Variants in FBLN2 observed in about 807,000 individuals in gnomAD.
FBLN2 encodes the protein fibulin 2, also known as fibulin-2.
In FBLN2, 81 loss-of-function variants were observed where a neutral mutation model predicts 123.7. That is an observed-to-expected ratio of 0.65 (90% CI 0.55 to 0.79). FBLN2 has a LOEUF of 0.79. Among genes scored for constraint, FBLN2 ranks in the 30% least tolerant of loss-of-function variants. The pLI, the probability that FBLN2 is intolerant of heterozygous loss-of-function variation, is 0.00. For missense variants in FBLN2, 1,603 were observed against 1,681.3 expected (o/e 0.95, Z 0.81); for synonymous variants, 699 against 701.4 (o/e 1.00, Z 0.05).
chr3:13,554,963 TTTTTTTA>T (rs745350265), intron 1 of FBLN2, among the ~76,000 whole-genome samples: 11 of 71,974 alleles, frequency 1.5e-4, no homozygotes, highest in Admixed American at 2.9e-4. Flanking sequence ...TTTTTTTTTT[TTTTTTTA>T]AATACTGAAT....
chr3:13,614,037 G>C lies in FBLN2; in HGVS notation c.1602G>C (p.Ser534=), dbSNP rs753655630. The C allele has an allele frequency of 6.2e-7, 1 of 1,613,572 alleles. No individual in the cohort carries two copies. The highest frequency in any genetic ancestry group is 8.5e-7 in the Non-Finnish European group (1 of 1,179,888). Residue 534 remains serine, a synonymous_variant, in exon 5 of 18, where the codon TCG becomes TCC. Transcript: ENST00000404922. ...LGLRVRAEGQ[S]CESNPNLGYP... The stretch of plus-strand genomic sequence containing the variant: ...TCCGCGTGCGGGCCGAGGGCCAGTC[G>C]TGTGAGTCCAATCCTAACCTGGGCT...
chr3:13,624,863 A>G (rs1444440756), intron 9 of FBLN2, among the ~76,000 whole-genome samples: 1 of 152,284 alleles, frequency 6.6e-6, no homozygotes, highest in East Asian at 1.9e-4. Flanking sequence ...GTGCAGCACC[A>G]GGAGGGGGTA....
chr3:13,569,131 A>G (rs1398205239), intron 1 of FBLN2: 2 of 845,178 alleles, frequency 2.4e-6, no homozygotes, highest in Non-Finnish European at 2.8e-6. Flanking sequence ...GACTTGGGCC[A>G]GGGTGGAGGA....
At chr3:13,562,714 C>T (rs189471784) in intron 1 of FBLN2, among the ~76,000 whole-genome samples, 2 of 152,300 alleles carry the variant, frequency 1.3e-5, no homozygotes, top group African/African-American at 2.4e-5. Context: ...GTTGTGCAGC[C>T]GTTACCACTA....
chr3:13,588,409 G>C (rs968160878), intron 2 of FBLN2, among the ~76,000 whole-genome samples: 1 of 152,268 alleles, frequency 6.6e-6, no homozygotes, highest in African/African-American at 2.4e-5. Flanking sequence ...TGATTGTGTG[G>C]GGTGAAGGGA....
At chr3:13,610,889 T>A (rs938464921) in intron 4 of FBLN2, among the ~76,000 whole-genome samples, 1 of 132,474 alleles carries the variant, frequency 7.5e-6, no homozygotes, top group Non-Finnish European at 1.6e-5. Context: ...GAGAGCCCCC[T>A]TGTTTTAAAT....
chr3:13,589,274 G>A (rs1413163546), intron 2 of FBLN2, among the ~76,000 whole-genome samples: 1 of 152,168 alleles, frequency 6.6e-6, no homozygotes, highest in Admixed American at 6.5e-5. Flanking sequence ...CTGGCTCCCT[G>A]GAAGGCTGTG....
chr3:13,567,339 C>G (rs537343783), intron 1 of FBLN2, among the ~76,000 whole-genome samples: 1 of 152,124 alleles, frequency 6.6e-6, no homozygotes, highest in African/African-American at 2.4e-5. Context: ...GGGCAGGGAG[C>G]TTGGGTCTCA....
chr3:13,604,826 CTT>C (rs749029839), intron 2 of FBLN2, among the ~76,000 whole-genome samples: 18 of 152,326 alleles, frequency 1.2e-4, no homozygotes, highest in Non-Finnish European at 4.4e-5. Context: ...GGAATGAAAA[CTT>C]AGGAAAGCTT....
intron 2 of FBLN2, among the ~76,000 whole-genome samples, chr3:13,582,875 C>G (rs1363463171): frequency 2.6e-5 from 4 of 152,236 alleles, no homozygotes; most frequent in Admixed American, 2.0e-4. Context: ...TTTCTTCAAA[C>G]AGATGTAGAT....
intron 1 of FBLN2, among the ~76,000 whole-genome samples, chr3:13,560,012 C>T (rs1261469655): frequency 6.6e-6 from 1 of 152,142 alleles, no homozygotes; most frequent in African/African-American, 2.4e-5. Context: ...ATCGCTCCCA[C>T]CCTGGGAGTG....
chr3:13,563,232 T>C (rs1703658692), intron 1 of FBLN2, among the ~76,000 whole-genome samples: 1 of 152,224 alleles, frequency 6.6e-6, no homozygotes, highest in Non-Finnish European at 1.5e-5. Flanking sequence ...GCTGTGTGTC[T>C]GTGCTCAGTA....
At chr3:13,563,734 G>A (rs1203374871) in intron 1 of FBLN2, among the ~76,000 whole-genome samples, 1 of 152,206 alleles carries the variant, frequency 6.6e-6, no homozygotes, top group Non-Finnish European at 1.5e-5. Flanking sequence ...ACCTACTGAG[G>A]CCAACTACAC....
intron 2 of FBLN2, among the ~76,000 whole-genome samples, chr3:13,579,685 C>T (rs747219986): frequency 6.6e-6 from 1 of 152,224 alleles, no homozygotes; most frequent in Non-Finnish European, 1.5e-5. Context: ...TTTGATTTAC[C>T]GGTTCCCTTA....
intron 2 of FBLN2, among the ~76,000 whole-genome samples, chr3:13,585,478 A>G (rs764250042): frequency 1.3e-5 from 2 of 152,192 alleles, no homozygotes; most frequent in African/African-American, 4.8e-5. Flanking sequence ...TGACATTTCC[A>G]TCAATGATAT....
In FBLN2 at chr3:13,619,314, G is replaced by A. The variant is rs540428308; in HGVS notation, c.2053+297G>A. Among the ~76,000 whole-genome samples the A allele has an allele frequency of 1.0e-3, 155 of 152,292 alleles. 3 individuals are homozygous for A. In the South Asian group the frequency reaches 0.031, roughly 30 times the overall value. On this transcript the variant is annotated intron_variant, in intron 7 of 17. Transcript: ENST00000404922. ...TGAGGTAGTCAAATCCTGGTTTGCC[G>A]ACCTGTTGTGGAGGCTGTGTTCAGC...
In FBLN2 at chr3:13,621,789, C is replaced by T. The variant is rs201891475; in HGVS notation, c.2170C>T (p.Leu724=). 1 of 1,614,008 alleles carries T rather than the reference C, an allele frequency of 6.2e-7. No individual in the cohort carries two copies. Among genetic ancestry groups the T allele is most frequent in the East Asian group, 2.2e-5 (1 of 44,878 alleles). ...GVSCEDQDEC[L]MGAHDCSRRQ... is the part of the protein sequence containing the mutation. ...GCTGCCACTAGACCAAGACGAGTGC[C>T]TGATGGGTGCTCACGATTGTAGCCG... The change falls in exon 9 of 18, where the codon CTG becomes TTG. Residue 724 remains leucine, a synonymous_variant. Transcript: ENST00000404922.
chr3:13,607,890 G>A (rs556984293), intron 2 of FBLN2, among the ~76,000 whole-genome samples, 172 bp from the exon 3 acceptor site: 20 of 152,278 alleles, frequency 1.3e-4, no homozygotes, highest in South Asian at 8.3e-4. Flanking sequence ...ACTCCACCTC[G>A]CAGACAGTTC....
intron 9 of FBLN2, among the ~76,000 whole-genome samples, chr3:13,624,231 C>T (rs1223072936): frequency 6.6e-6 from 1 of 152,204 alleles, no homozygotes; most frequent in African/African-American, 2.4e-5. Flanking sequence ...CTGGTCCAGT[C>T]ACAGCACTAC....
Sources: gnomAD v4.1 joint callset for allele counts (sites outside exome capture counted in the v4.1 genomes callset) on GRCh38, gnomAD v4.1.1 for gene constraint, MANE v1.5 for transcripts, NCBI Gene and HGNC (gene_info 2026-07-23, HGNC 2026-07-21) for gene names.